Variants in DPY19L4 observed in about 807,000 individuals in gnomAD.
The protein encoded by DPY19L4 is probable C-mannosyltransferase DPY19L4.
A neutral mutation model predicts 102.8 loss-of-function variants in DPY19L4; 97 were observed. That is an observed-to-expected ratio of 0.94 (90% CI 0.80 to 1.12). DPY19L4 has a LOEUF of 1.12. Among genes scored for constraint, DPY19L4 ranks in the 50% most tolerant of loss-of-function variants. DPY19L4 has a pLI of 0.00. For synonymous variants in DPY19L4, 252 were observed against 283.1 expected (o/e 0.89, Z 1.10); for missense variants, 815 against 850.4 (o/e 0.96, Z 0.52).
rs1275055120 is a variant in DPY19L4, at chr8:94,755,893, A to T, written c.612-143A>T. ...GAGCGAGACTCCATCTCAAAAAAAA[A>T]AAGGACAATGGTGGATCTGGCTATG... is the stretch of plus-strand genomic sequence containing the variant. On this transcript the variant is annotated intron_variant, in intron 6 of 18. Coordinates refer to ENST00000414645, the MANE Select transcript of DPY19L4 (RefSeq NM_181787.3). The T allele has an allele frequency of 1.4e-5, 12 of 834,558 alleles. No individual in the cohort carries two copies. In the Admixed American group the frequency reaches 4.1e-4, roughly 29 times the overall value. The allele number at this position is 834,558 out of a possible 1,614,324, so 51.7% of individuals were successfully genotyped here.
At chr8:94,739,299 G>A (rs1563579250) in intron 4 of DPY19L4, 114 bp from the exon 5 acceptor site, 1 of 1,260,346 alleles carries the variant, frequency 7.9e-7, no homozygotes. Context: ...GCAGCATGGA[G>A]TATTCTATTT....
At chr8:94,727,332 C>T (rs934629212) in intron 2 of DPY19L4, among the ~76,000 whole-genome samples, 1 of 152,194 alleles carries the variant, frequency 6.6e-6, no homozygotes, top group Non-Finnish European at 1.5e-5. Context: ...CTTCTGGGTT[C>T]AAGCGATTGT....
chr8:94,766,027 TA>T (rs1812657234), intron 10 of DPY19L4, among the ~76,000 whole-genome samples: 1 of 152,206 alleles, frequency 6.6e-6, no homozygotes, highest in African/African-American at 2.4e-5. Context: ...TTCATTAAGT[TA>T]AAAATGTCAT....
chr8:94,760,724 C>T (rs7830795), intron 7 of DPY19L4, among the ~76,000 whole-genome samples: 24,237 of 152,070 alleles, frequency 0.16, 2,056 homozygotes, highest in Admixed American at 0.21. Flanking sequence ...ACACTACAGC[C>T]AGTGAAGGGA....
chr8:94,757,253 T>C (rs1441591413), intron 7 of DPY19L4, among the ~76,000 whole-genome samples: 1 of 152,214 alleles, frequency 6.6e-6, no homozygotes, highest in Non-Finnish European at 1.5e-5. Context: ...TCTTTTCTCC[T>C]TTCAGTGGTG....
chr8:94,752,534 C>T (rs764797810), intron 6 of DPY19L4, among the ~76,000 whole-genome samples: 5 of 138,212 alleles, frequency 3.6e-5, no homozygotes, highest in South Asian at 2.4e-4. Context: ...TGCAGTGAGC[C>T]GAGATTGTGT....
Position 94,765,238 on chromosome 8 carries a change from A to C in DPY19L4, c.926A>C (p.Gln309Pro). Residue 309 changes from glutamine (Q) to proline (P), a missense_variant, in exon 9 of 19, where the codon CAG becomes CCG. Coordinates refer to ENST00000414645, the MANE Select transcript of DPY19L4 (RefSeq NM_181787.3). ...TCCCTCTTTCTGGGATATTTACTAC[A>C]GTTTGAGAATCCAGCTTTGTTGGTA... ...IFSLFLGYLLQFENPALLVSP... is the reference protein window; with the variant it reads ...IFSLFLGYLLPFENPALLVSP... 1 of 1,608,308 alleles carries C rather than the reference A, an allele frequency of 6.2e-7. No individual in the cohort carries two copies. Among genetic ancestry groups the C allele is most frequent in the Non-Finnish European group, 8.5e-7 (1 of 1,177,952 alleles).
At chr8:94,722,252 C>G (rs1810494641) in intron 1 of DPY19L4, among the ~76,000 whole-genome samples, 1 of 151,950 alleles carries the variant, frequency 6.6e-6, no homozygotes, top group South Asian at 2.1e-4. Context: ...CTAAAAAATA[C>G]AAAAGTTAGC....
chr8:94,765,673 C>T, intron 9 of DPY19L4, 38 bp from the exon 10 acceptor site: 1 of 1,421,494 alleles, frequency 7.0e-7, no homozygotes, highest in Admixed American at 1.9e-5. Flanking sequence ...AATTTTTTAA[C>T]ACCTCACTTC....
chr8:94,775,118 C>T (rs1403182581), intron 13 of DPY19L4, among the ~76,000 whole-genome samples: 1 of 151,694 alleles, frequency 6.6e-6, no homozygotes, highest in Non-Finnish European at 1.5e-5. Context: ...GCATGTATTC[C>T]AATTTTTTTG....
In DPY19L4 at chr8:94,768,375, A is replaced by G; in HGVS notation, c.1176-20A>G. 6.3e-7 allele frequency: 1 copy of G among 1,575,044 alleles called. No homozygotes were observed. The highest frequency in any genetic ancestry group is 8.6e-7 in the Non-Finnish European group (1 of 1,164,318). On this transcript the variant is annotated intron_variant, in intron 11 of 18. Coordinates refer to ENST00000414645, the MANE Select transcript of DPY19L4 (RefSeq NM_181787.3). The stretch of plus-strand genomic sequence containing the variant: ...TTAAAACGTCTATGAATTTAATATC[A>G]TACTTTTTGTCTTCTATAGGAATTT...
At chr8:94,785,417 G>A (rs957005275) in intron 17 of DPY19L4, among the ~76,000 whole-genome samples, 5 of 152,132 alleles carry the variant, frequency 3.3e-5, no homozygotes, top group African/African-American at 9.7e-5. Context: ...CCTTGATCTG[G>A]GCTTTGAAGA....
intron 11 of DPY19L4, among the ~76,000 whole-genome samples, chr8:94,767,499 TAGTC>T (rs1380534610): frequency 6.6e-6 from 1 of 152,094 alleles, no homozygotes; most frequent in Non-Finnish European, 1.5e-5. Flanking sequence ...TTCACTGTGT[TAGTC>T]AGGATGGCCT....
chr8:94,720,637 G>A (rs1372595492), intron 1 of DPY19L4, among the ~76,000 whole-genome samples: 2 of 152,158 alleles, frequency 1.3e-5, no homozygotes, highest in Non-Finnish European at 2.9e-5. Context: ...GGGTCAAAGT[G>A]GGTGAGCTGG....
At position 94,742,087 on chromosome 8, in the gene DPY19L4, G is replaced by A. The variant is rs548806548; in HGVS notation, c.611+2297G>A. Reference sequence around the variant, plus strand: ...AATCTTATATTTTATGGCCGGGTGCGGTGGCTCACGCCTGTAATCCCAGCA... The same window carrying A: ...AATCTTATATTTTATGGCCGGGTGCAGTGGCTCACGCCTGTAATCCCAGCA... On this transcript the variant is annotated intron_variant, in intron 6 of 18. Transcript: ENST00000414645. Among the ~76,000 whole-genome samples, 133 of 152,242 alleles carry A rather than the reference G, an allele frequency of 8.7e-4. 6 individuals carry two copies. Among genetic ancestry groups the A allele is most frequent in the Non-Finnish European group, 6.5e-4 (44 of 68,008 alleles).
intron 17 of DPY19L4, among the ~76,000 whole-genome samples, chr8:94,785,035 C>G (rs554458970): frequency 2.3e-4 from 35 of 152,086 alleles, no homozygotes; most frequent in Non-Finnish European, 4.0e-4. Flanking sequence ...TAAGCATATT[C>G]TAAGTTAAGG....
At chr8:94,729,263 T>G (rs555878537) in intron 2 of DPY19L4, among the ~76,000 whole-genome samples, 1 of 152,074 alleles carries the variant, frequency 6.6e-6, no homozygotes, top group East Asian at 1.9e-4. Context: ...TCCCAGCTAC[T>G]TGGGAGGCTG....
At chr8:94,734,517 G>T in intron 2 of DPY19L4, 113 bp from the exon 3 acceptor site, 1 of 1,058,562 alleles carries the variant, frequency 9.4e-7, no homozygotes, top group South Asian at 1.6e-5. Flanking sequence ...CTCACAATTA[G>T]ACTCGAGTTG....
At chr8:94,750,257 T>C (rs1811858436) in intron 6 of DPY19L4, among the ~76,000 whole-genome samples, 2 of 152,268 alleles carry the variant, frequency 1.3e-5, no homozygotes, top group Middle Eastern at 3.4e-3. Flanking sequence ...TAAAAAATTA[T>C]TTGTCATAGA....
Sources: gnomAD v4.1 joint callset for allele counts (sites outside exome capture counted in the v4.1 genomes callset) on GRCh38, gnomAD v4.1.1 for gene constraint, MANE v1.5 for transcripts, NCBI Gene and HGNC (gene_info 2026-07-23, HGNC 2026-07-21) for gene names.